Variants in ATG10 observed in about 807,000 individuals in gnomAD.
ATG10 encodes the protein autophagy related 10, also known as ubiquitin-like-conjugating enzyme ATG10.
ATG10 carries 30 observed loss-of-function variants against 32.1 expected under a neutral mutation model. The observed-to-expected ratio is 0.94, with a 90% CI of 0.70 to 1.27. The LOEUF (loss-of-function observed/expected upper bound fraction) is 1.27, where lower values mean the gene tolerates loss of function less well. ATG10 is among the 50% of genes most tolerant of loss of function. The probability of loss-of-function intolerance (pLI) is 0.00; values close to 1 mark genes in which losing one functional copy is unlikely to be tolerated. For synonymous variants in ATG10, 87 were observed against 91.5 expected (o/e 0.95, Z 0.28); for missense variants, 233 against 262.3 (o/e 0.89, Z 0.77).
At chr5:82,203,226 T>TAA (rs879830876) in intron 5 of ATG10, among the ~76,000 whole-genome samples, 2 of 135,656 alleles carry the variant, frequency 1.5e-5, no homozygotes, top group African/African-American at 2.7e-5. Flanking sequence ...AGACTCCATC[T>TAA]AAAAAAAAAA....
chr5:82,116,152 T>C (rs797016096), intron 3 of ATG10, among the ~76,000 whole-genome samples: 8 of 152,254 alleles, frequency 5.3e-5, no homozygotes, highest in African/African-American at 1.9e-4. Flanking sequence ...AGAATTTTTG[T>C]CCAGAAGGGG....
intron 5 of ATG10, among the ~76,000 whole-genome samples, chr5:82,226,252 T>C (rs1440655942): frequency 4.6e-5 from 7 of 152,346 alleles, no homozygotes; most frequent in African/African-American, 1.7e-4. Flanking sequence ...TGCTTTCTTG[T>C]ACCAATGAGT....
chr5:82,212,743 G>C (rs927596075), intron 5 of ATG10, among the ~76,000 whole-genome samples: 4 of 152,160 alleles, frequency 2.6e-5, no homozygotes, highest in African/African-American at 9.7e-5. Context: ...AATTGCATAT[G>C]CCCTTTGACT....
chr5:81,982,953 C>T (rs1177441608), intron 1 of ATG10, among the ~76,000 whole-genome samples: 1 of 152,212 alleles, frequency 6.6e-6, no homozygotes, highest in East Asian at 1.9e-4. Context: ...ATGTCTACCT[C>T]TTTCTACACA....
At chr5:82,055,717 C>G (rs974362051) in intron 2 of ATG10, among the ~76,000 whole-genome samples, 24 of 152,266 alleles carry the variant, frequency 1.6e-4, no homozygotes, top group African/African-American at 5.8e-4. Flanking sequence ...ATTTTTCTCT[C>G]AAACACATGC....
intron 3 of ATG10, among the ~76,000 whole-genome samples, chr5:82,083,322 A>G (rs1348781327): frequency 6.6e-6 from 1 of 152,022 alleles, no homozygotes; most frequent in African/African-American, 2.4e-5. Flanking sequence ...TAGGTAAACA[A>G]AGTGGCCGGG....
At position 81,981,927 on chromosome 5, in the gene ATG10, G is replaced by C. The variant is rs574663383; in HGVS notation, c.-12-5632G>C. 2.6e-5 allele frequency among the ~76,000 whole-genome samples: 4 copies of C among 152,278 alleles called. No homozygotes were observed. In the East Asian group the frequency reaches 5.8e-4, roughly 22 times the overall value. On this transcript the variant is annotated intron_variant, in intron 1 of 7. Transcript: ENST00000282185. ...AGAATTCACTAAGGCTGCTTTTCTG[G>C]AAAGATATATTTGAACAGCAGCAGA...
chr5:82,187,601 T>C (rs1744503281), intron 5 of ATG10, among the ~76,000 whole-genome samples: 1 of 151,684 alleles, frequency 6.6e-6, no homozygotes, highest in Admixed American at 6.6e-5. Flanking sequence ...TTTTTGAAAC[T>C]GTGTTTCGCT....
chr5:82,239,691 T>C (rs914344611), intron 5 of ATG10, among the ~76,000 whole-genome samples: 21 of 152,184 alleles, frequency 1.4e-4, no homozygotes, highest in African/African-American at 4.8e-4. Context: ...GTCAAAAGCT[T>C]CTGCACAGCA....
At chr5:82,067,373 G>C (rs192587597) in intron 3 of ATG10, among the ~76,000 whole-genome samples, 1 of 152,148 alleles carries the variant, frequency 6.6e-6, no homozygotes, top group East Asian at 1.9e-4. Context: ...TATAACAAAA[G>C]TGTTTGTTTA....
intron 1 of ATG10, 102 bp from the exon 2 acceptor site, chr5:81,987,457 T>C: frequency 1.2e-6 from 1 of 840,602 alleles, no homozygotes; most frequent in Non-Finnish European, 1.9e-6. Flanking sequence ...GAGGCCATTC[T>C]ACATCCCAAA....
intron 1 of ATG10, among the ~76,000 whole-genome samples, chr5:81,981,821 A>G (rs1450870440): frequency 6.6e-6 from 1 of 152,242 alleles, no homozygotes; most frequent in Admixed American, 6.5e-5. Flanking sequence ...TAAAAATCAC[A>G]TTAAACAGTA....
chr5:82,081,397 T>G, intron 3 of ATG10, among the ~76,000 whole-genome samples: 1 of 152,208 alleles, frequency 6.6e-6, no homozygotes, highest in Non-Finnish European at 1.5e-5. Context: ...AACACTGTGT[T>G]GAATAGGAGT....
At chr5:82,121,941 GTTTTT>G (rs77349086) in intron 3 of ATG10, among the ~76,000 whole-genome samples, 2 of 121,018 alleles carry the variant, frequency 1.7e-5, no homozygotes, top group African/African-American at 6.6e-5. Flanking sequence ...TTGGCCTGAA[GTTTTT>G]TTTTTTTTTT....
intron 3 of ATG10, among the ~76,000 whole-genome samples, chr5:82,125,882 C>T (rs919809612): frequency 7.2e-5 from 11 of 152,162 alleles, no homozygotes; most frequent in African/African-American, 2.7e-4. Flanking sequence ...GCCATTTTCA[C>T]GATACTGATT....
intron 3 of ATG10, among the ~76,000 whole-genome samples, chr5:82,111,084 G>A (rs1350797638): frequency 6.6e-6 from 1 of 151,928 alleles, no homozygotes; most frequent in African/African-American, 2.4e-5. Flanking sequence ...TTTGAAAGAT[G>A]CTTACGTATA....
At chr5:82,101,642 A>G (rs891465439) in intron 3 of ATG10, among the ~76,000 whole-genome samples, 1 of 152,120 alleles carries the variant, frequency 6.6e-6, no homozygotes, top group Non-Finnish European at 1.5e-5. Context: ...ATAGAGAAGA[A>G]TTTCCTAATA....
chr5:82,239,068 C>T (rs1350457394), intron 5 of ATG10, among the ~76,000 whole-genome samples: 6 of 152,052 alleles, frequency 3.9e-5, no homozygotes, highest in Non-Finnish European at 5.9e-5. Flanking sequence ...TCCTCAAATC[C>T]TCTCCTTCGT....
At chr5:82,131,400 G>T (rs1258748492) in intron 3 of ATG10, among the ~76,000 whole-genome samples, 1 of 152,156 alleles carries the variant, frequency 6.6e-6, no homozygotes, top group Non-Finnish European at 1.5e-5. Flanking sequence ...CTGCCACATG[G>T]CAGAGGTTGA....
Sources: gnomAD v4.1 joint callset for allele counts (sites outside exome capture counted in the v4.1 genomes callset) on GRCh38, gnomAD v4.1.1 for gene constraint, MANE v1.5 for transcripts, NCBI Gene and HGNC (gene_info 2026-07-23, HGNC 2026-07-21) for gene names.